The following PAK5 variants were observed in gnomAD, a reference collection of about 807,000 sequenced individuals.
PAK5 encodes the protein p21 (RAC1) activated kinase 5, also known as serine/threonine-protein kinase PAK 5.
Under a neutral mutation model 65.9 loss-of-function variants are expected in PAK5, and 16 were observed. That is an observed-to-expected ratio of 0.24 (90% CI 0.16 to 0.37). The LOEUF is 0.37. Ranked by LOEUF, PAK5 falls within the 10% of genes least tolerant of loss-of-function variation. The pLI, the probability that PAK5 is intolerant of heterozygous loss-of-function variation, is 1.00. For missense variants in PAK5, 785 were observed against 903.9 expected, an observed-to-expected ratio of 0.87 and a Z score of 1.69; for synonymous variants, 371 against 354.9, an observed-to-expected ratio of 1.05 and a Z score of -0.51.
At chr20:9,755,036 C>A (rs143254426) in intron 1 of PAK5, among the ~76,000 whole-genome samples, 5 of 152,098 alleles carry the variant, frequency 3.3e-5, no homozygotes, top group Non-Finnish European at 5.9e-5. Flanking sequence ...GATGTGTTAA[C>A]GAAGATGTTT....
chr20:9,671,681 C>A (rs1481694845), intron 2 of PAK5, among the ~76,000 whole-genome samples: 2 of 146,156 alleles, frequency 1.4e-5, no homozygotes, highest in Admixed American at 6.8e-5. Context: ...TGGGCTGAGA[C>A]AATGGGGTTT....
chr20:9,741,217 C>T (rs1172356015), intron 1 of PAK5, among the ~76,000 whole-genome samples: 6 of 151,962 alleles, frequency 3.9e-5, no homozygotes, highest in Non-Finnish European at 8.8e-5. Flanking sequence ...CTTCCGTTTG[C>T]TTACAGAGAA....
At chr20:9,772,425 T>C (rs1000463297) in intron 1 of PAK5, among the ~76,000 whole-genome samples, 1 of 151,662 alleles carries the variant, frequency 6.6e-6, no homozygotes, top group African/African-American at 2.4e-5. Flanking sequence ...CTCTAGACCA[T>C]CCCTGTGAAG....
chr20:9,661,807 T>G (rs1268810245), intron 2 of PAK5, among the ~76,000 whole-genome samples: 1 of 152,190 alleles, frequency 6.6e-6, no homozygotes, highest in African/African-American at 2.4e-5. Context: ...TTTCTCCTAT[T>G]AATCAATCTT....
At chr20:9,826,726 A>T (rs2049489036) in intron 1 of PAK5, among the ~76,000 whole-genome samples, 1 of 152,198 alleles carries the variant, frequency 6.6e-6, no homozygotes, top group African/African-American at 2.4e-5. Flanking sequence ...TTTATAGTGC[A>T]TCTGTTGCTA....
intron 4 of PAK5, 77 bp from the exon 5 acceptor site, chr20:9,566,461 T>C (rs954957418): frequency 7.9e-6 from 11 of 1,384,222 alleles, no homozygotes; most frequent in Non-Finnish European, 1.0e-5. Context: ...GTGAGCTGAC[T>C]GACAGCTGGC....
intron 1 of PAK5, among the ~76,000 whole-genome samples, chr20:9,806,175 G>A (rs758172030): frequency 6.6e-6 from 1 of 151,694 alleles, no homozygotes; most frequent in Admixed American, 6.6e-5. Flanking sequence ...TTTTAGCAGA[G>A]ATGGGGTTTC....
At chr20:9,618,915 G>GTTTTTTTTTTTTATTTTTTTTT (rs2046715607) in intron 3 of PAK5, among the ~76,000 whole-genome samples, 1 of 18,816 alleles carries the variant, frequency 5.3e-5, no homozygotes, top group Non-Finnish European at 9.0e-5. Context: ...TCTTTCTTTC[G>GTTTTTTTTTTTTATTTTTTTTT]TTTTTTTTTT....
intron 1 of PAK5, among the ~76,000 whole-genome samples, chr20:9,781,325 T>C (rs1343286846): frequency 6.6e-6 from 1 of 152,188 alleles, no homozygotes; most frequent in Non-Finnish European, 1.5e-5. Flanking sequence ...GGAAAGCTTA[T>C]GTGGGTCAGG....
intron 1 of PAK5, among the ~76,000 whole-genome samples, chr20:9,829,112 G>T (rs1434645678): frequency 6.6e-6 from 1 of 152,208 alleles, no homozygotes; most frequent in South Asian, 2.1e-4. Flanking sequence ...GTTTAAAAAT[G>T]TAAGTTAAAT....
intron 3 of PAK5, among the ~76,000 whole-genome samples, chr20:9,613,603 T>C (rs193259578): frequency 1.3e-5 from 2 of 152,244 alleles, no homozygotes; most frequent in Admixed American, 6.5e-5. Context: ...CTTAAAAATA[T>C]GCCATAGCAT....
chr20:9,820,105 G>A (rs1275540071), intron 1 of PAK5, among the ~76,000 whole-genome samples: 2 of 152,178 alleles, frequency 1.3e-5, no homozygotes, highest in Non-Finnish European at 2.9e-5. Flanking sequence ...GATCCACTTT[G>A]AGTTGGGTTT....
intron 1 of PAK5, among the ~76,000 whole-genome samples, chr20:9,824,824 CT>C (rs986592375): frequency 6.6e-6 from 1 of 152,138 alleles, no homozygotes; most frequent in Non-Finnish European, 1.5e-5. Context: ...GTCTCTCCTT[CT>C]TTTTTTATCT....
At chr20:9,689,539 C>A (rs571919156) in intron 2 of PAK5, among the ~76,000 whole-genome samples, 1 of 152,186 alleles carries the variant, frequency 6.6e-6, no homozygotes, top group Admixed American at 6.5e-5. Flanking sequence ...AATAATTACT[C>A]GTTTCCCTGG....
chr20:9,547,583 ACT>A (rs2122907662), intron 7 of PAK5, among the ~76,000 whole-genome samples: 1 of 152,158 alleles, frequency 6.6e-6, no homozygotes, highest in African/African-American at 2.4e-5. Context: ...TTTAACCACC[ACT>A]CTGCTGCTCT....
At chr20:9,553,098 G>C (rs138927166) in intron 7 of PAK5, among the ~76,000 whole-genome samples, 1 of 151,954 alleles carries the variant, frequency 6.6e-6, no homozygotes, top group Non-Finnish European at 1.5e-5. Flanking sequence ...CCTAGTATTC[G>C]CATCTTACAC....
At chr20:9,699,032 T>C (rs951534172) in intron 2 of PAK5, among the ~76,000 whole-genome samples, 3 of 152,186 alleles carry the variant, frequency 2.0e-5, no homozygotes, top group African/African-American at 7.2e-5. Flanking sequence ...GTTTGAATAA[T>C]GTGGAGATAG....
intron 2 of PAK5, among the ~76,000 whole-genome samples, chr20:9,685,289 C>T (rs372778304): frequency 9.9e-5 from 15 of 152,196 alleles, no homozygotes; most frequent in South Asian, 6.2e-4. Context: ...TTTTGAAGTC[C>T]TAACTTCCAA....
At chr20:9,548,018 C>T (rs551592842) in intron 7 of PAK5, among the ~76,000 whole-genome samples, 4 of 152,320 alleles carry the variant, frequency 2.6e-5, no homozygotes, top group Admixed American at 6.5e-5. Flanking sequence ...AACATTTTCA[C>T]CACACCCCAT....
Sources: allele counts gnomAD v4.1 joint callset (sites outside exome capture counted in the v4.1 genomes callset), GRCh38; gene constraint gnomAD v4.1.1; transcripts MANE v1.5; gene names NCBI Gene and HGNC (gene_info 2026-07-23, HGNC 2026-07-21).